The following CSDE1 variants were observed in gnomAD, a reference collection of about 807,000 sequenced individuals.
CSDE1 encodes cold shock domain-containing protein E1.
In CSDE1, 17 loss-of-function variants were observed where a neutral mutation model predicts 89.3. The observed-to-expected ratio is 0.19, with a 90% CI of 0.13 to 0.29. The LOEUF is 0.29. CSDE1 is among the 10% of genes least tolerant of loss of function. The probability of loss-of-function intolerance (pLI) is 1.00; values close to 1 mark genes in which losing one functional copy is unlikely to be tolerated. For missense variants in CSDE1, 672 were observed against 984.2 expected, an observed-to-expected ratio of 0.68 and a Z score of 4.24; for synonymous variants, 322 against 332.8, an observed-to-expected ratio of 0.97 and a Z score of 0.35.
At chr1:114,727,119 A>C in intron 12 of CSDE1, 29 bp from the exon 13 acceptor site, 1 of 1,489,962 alleles carries the variant, frequency 6.7e-7, no homozygotes, top group Non-Finnish European at 9.3e-7. Context: ...AAACAGAATG[A>C]AAACAATCTC....
At chr1:114,731,755 ACAGCTCTG>A (rs1255493459) in intron 10 of CSDE1, among the ~76,000 whole-genome samples, 1 of 152,230 alleles carries the variant, frequency 6.6e-6, no homozygotes, top group East Asian at 1.9e-4. Context: ...ATGGCCTAGG[ACAGCTCTG>A]AATGTGGCCC....
chr1:114,754,363 C>T (rs7544776), intron 1 of CSDE1, among the ~76,000 whole-genome samples: 1 of 152,162 alleles, frequency 6.6e-6, no homozygotes, highest in Non-Finnish European at 1.5e-5. Context: ...ATGACATAGT[C>T]GGCACTAAAT....
intron 12 of CSDE1, among the ~76,000 whole-genome samples, chr1:114,729,379 G>A (rs1241129744): frequency 6.6e-6 from 1 of 151,922 alleles, no homozygotes; most frequent in African/African-American, 2.4e-5. Context: ...GTTTACAGGT[G>A]TGAGCCACCG....
intron 19 of CSDE1, 118 bp downstream of exon 19, chr1:114,718,495 T>C (rs1659327459): frequency 1.5e-6 from 2 of 1,358,914 alleles, no homozygotes; most frequent in Non-Finnish European, 2.0e-6. Context: ...TAACTAGTTA[T>C]AAGCAATATG....
In CSDE1 at chr1:114,722,403, TAA is replaced by T. The variant is rs1659577359; in HGVS notation, c.1873+1478_1873+1479del. 2.0e-5 allele frequency among the ~76,000 whole-genome samples: 3 copies of T among 152,252 alleles called. No individual in the cohort carries two copies. The South Asian group carries it at 6.2e-4, about 31-fold the overall frequency. ...TGAAGAAACTGAGCTAGCAAAGATT[TAA>T]GTTATTTGTCCAAGATTATATGCTA... On this transcript the variant is annotated intron_variant, in intron 16 of 19. Transcript: ENST00000358528.
At chr1:114,757,423 C>T (rs939524777) in intron 1 of CSDE1, among the ~76,000 whole-genome samples, 14 of 152,182 alleles carry the variant, frequency 9.2e-5, no homozygotes, top group Admixed American at 8.5e-4. Context: ...ACTACAGGGT[C>T]CAGAGTCAAA....
chr1:114,721,879 C>T (rs1241249543), intron 16 of CSDE1, among the ~76,000 whole-genome samples: 6 of 149,464 alleles, frequency 4.0e-5, no homozygotes, highest in Non-Finnish European at 8.9e-5. Context: ...AGCCACCACA[C>T]CTGACTTTTT....
At position 114,730,520 on chromosome 1, in the gene CSDE1, A is replaced by T. The variant is rs1197764469; in HGVS notation, c.1179T>A (p.Phe393Leu). The T allele has an allele frequency of 6.2e-7, 1 of 1,614,028 alleles. No homozygotes were observed. The highest frequency in any genetic ancestry group is 8.5e-7 in the Non-Finnish European group (1 of 1,180,028). ...NQLHIADEVE[F>L]TVVPDMLSAQ... ...AGAAACAACTCACAGGAACCACAGT[A>T]AACTCTACTTCATCTGCAATATGGA... The change falls in exon 11 of 20, where the codon TTT becomes TTA. Residue 393 changes from phenylalanine to leucine, a missense_variant. Coordinates refer to ENST00000358528, the MANE Select transcript of CSDE1 (RefSeq NM_001007553.3).
chr1:114,757,468 C>G (rs1379166227), intron 1 of CSDE1, among the ~76,000 whole-genome samples: 1 of 152,022 alleles, frequency 6.6e-6, no homozygotes, highest in South Asian at 2.1e-4. Context: ...GCTCTTCCAA[C>G]CTCACACAAA....
chr1:114,739,198 A>AT (rs1447849405), intron 3 of CSDE1, among the ~76,000 whole-genome samples: 4 of 151,756 alleles, frequency 2.6e-5, no homozygotes, highest in Non-Finnish European at 5.9e-5. Flanking sequence ...CGCCCAGCTA[A>AT]TTTTTTGTAT....
intron 19 of CSDE1, 152 bp downstream of exon 19, chr1:114,718,461 G>A: frequency 9.0e-7 from 1 of 1,111,412 alleles, no homozygotes; most frequent in African/African-American, 1.6e-5. Context: ...AGGTTAGGGG[G>A]CTGAACCAAT....
At chr1:114,733,440 C>T (rs946471237) in intron 9 of CSDE1, among the ~76,000 whole-genome samples, 5 of 150,806 alleles carry the variant, frequency 3.3e-5, no homozygotes, top group Non-Finnish European at 5.9e-5. Flanking sequence ...GCAGGAGAAT[C>T]GCTTAAACCC....
chr1:114,748,070 CAT>C (rs1661113666), intron 2 of CSDE1, among the ~76,000 whole-genome samples: 1 of 152,136 alleles, frequency 6.6e-6, no homozygotes, highest in Non-Finnish European at 1.5e-5. Context: ...GTTTATGAGA[CAT>C]AGATAATTTT....
chr1:114,747,895 C>T (rs937108471), intron 2 of CSDE1, among the ~76,000 whole-genome samples: 6 of 151,992 alleles, frequency 3.9e-5, no homozygotes, highest in Admixed American at 3.3e-4. Context: ...TTTTATGCTT[C>T]AGAACATAAA....
chr1:114,745,783 C>G (rs1660979168), intron 2 of CSDE1, among the ~76,000 whole-genome samples: 2 of 152,100 alleles, frequency 1.3e-5, no homozygotes, highest in Non-Finnish European at 2.9e-5. Flanking sequence ...AGAAATGGAA[C>G]AAATCTCAGG....
At chr1:114,738,203 G>A in intron 3 of CSDE1, 131 bp from the exon 4 acceptor site, 1 of 687,198 alleles carries the variant, frequency 1.5e-6, no homozygotes, top group Non-Finnish European at 2.6e-6. Context: ...CCCTGGACCA[G>A]CAGCATTAAC....
chr1:114,757,746 C>T (rs1182976152), intron 1 of CSDE1, among the ~76,000 whole-genome samples, 179 bp downstream of exon 1: 1 of 152,140 alleles, frequency 6.6e-6, no homozygotes, highest in Non-Finnish European at 1.5e-5. Flanking sequence ...GAGGCCCAGG[C>T]AGTTGAACGG....
intron 6 of CSDE1, among the ~76,000 whole-genome samples, chr1:114,735,278 T>C (rs992421990): frequency 1.3e-5 from 2 of 152,206 alleles, no homozygotes; most frequent in African/African-American, 4.8e-5. Context: ...AAAAGACCTA[T>C]ACACCAAGCA....
chr1:114,718,056 T>C lies in CSDE1; in HGVS notation c.*113A>G, dbSNP rs552011956. The C allele has an allele frequency of 4.0e-5, 41 of 1,036,824 alleles. No individual in the cohort carries two copies. In the Admixed American group the frequency reaches 4.6e-4, roughly 12 times the overall value. 64.2% of individuals were successfully genotyped at this position (1,036,824 alleles called of 1,614,324 possible). On this transcript the variant is annotated 3_prime_UTR_variant, in exon 20 of 20. Coordinates refer to ENST00000358528, the MANE Select transcript of CSDE1 (RefSeq NM_001007553.3). ...TGTTAAAACTGGTGTAATAGCTCAA[T>C]AGAATAAGTATTCCAGATTTCGGGA...
Sources: gnomAD v4.1 joint callset for allele counts (sites outside exome capture counted in the v4.1 genomes callset) on GRCh38, gnomAD v4.1.1 for gene constraint, MANE v1.5 for transcripts, NCBI Gene and HGNC (gene_info 2026-07-23, HGNC 2026-07-21) for gene names.